Variants in RAB1A observed in about 807,000 individuals in gnomAD.
The protein encoded by RAB1A is ras-related protein Rab-1A.
RAB1A carries 2 observed loss-of-function variants against 26.0 expected under a neutral mutation model. That is an observed-to-expected ratio of 0.08 (90% CI 0.03 to 0.24). The LOEUF (loss-of-function observed/expected upper bound fraction) is 0.24. RAB1A is among the 10% of genes least tolerant of loss of function. The probability of loss-of-function intolerance (pLI) is 1.00; values close to 1 mark genes in which losing one functional copy is unlikely to be tolerated. For synonymous variants in RAB1A, 84 were observed against 84.9 expected, an observed-to-expected ratio of 0.99 and a Z score of 0.06; for missense variants, 100 against 247.0, an observed-to-expected ratio of 0.40 and a Z score of 3.99.
intron 1 of RAB1A, among the ~76,000 whole-genome samples, chr2:65,122,080 C>T (rs1383038710): frequency 2.1e-5 from 3 of 145,742 alleles, no homozygotes; most frequent in Admixed American, 7.1e-5. Context: ...TGCTGGAACC[C>T]GGGAGACAGA....
intron 1 of RAB1A, among the ~76,000 whole-genome samples, chr2:65,129,198 TAA>T (rs373295500): frequency 1.5e-5 from 2 of 134,412 alleles, no homozygotes; most frequent in African/African-American, 5.4e-5. Flanking sequence ...GTGTCCTCTT[TAA>T]AAAAAAAAAA....
intron 4 of RAB1A, among the ~76,000 whole-genome samples, chr2:65,089,702 A>ATTTTTTTTTT (rs58993413): frequency 0.011 from 1,617 of 141,588 alleles, 45 homozygotes; most frequent in African/African-American, 0.04. Context: ...AATTTGATTA[A>ATTTTTTTTTT]TTTTTTTTTT....
chr2:65,096,792 A>T (rs946973497), intron 3 of RAB1A, among the ~76,000 whole-genome samples: 1 of 152,214 alleles, frequency 6.6e-6, no homozygotes, highest in African/African-American at 2.4e-5. Flanking sequence ...GAGTCATGTA[A>T]GAAAAGGGAG....
chr2:65,101,742 C>CTTTTTTTTTTTTTTTTTTTTTTTT (rs71401771), intron 2 of RAB1A, among the ~76,000 whole-genome samples: 1 of 70,662 alleles, frequency 1.4e-5, no homozygotes, highest in African/African-American at 6.8e-5. Flanking sequence ...GTATTACTTC[C>CTTTTTTTTTTTTTTTTTTTTTTTT]TTTTTTTTTT....
intron 1 of RAB1A, among the ~76,000 whole-genome samples, chr2:65,108,581 T>C (rs1054375134): frequency 6.6e-6 from 1 of 151,932 alleles, no homozygotes; most frequent in Non-Finnish European, 1.5e-5. Context: ...CCGAAGCAGG[T>C]GGATCACCTG....
chr2:65,123,815 G>A (rs11893423), intron 1 of RAB1A, among the ~76,000 whole-genome samples: 98,561 of 150,896 alleles, frequency 0.65, 32,444 homozygotes, highest in Non-Finnish European at 0.69. Context: ...GTGAGACTCT[G>A]TCTCAAAAAG....
chr2:65,094,952 G>T (rs1669248947), intron 3 of RAB1A, among the ~76,000 whole-genome samples: 1 of 152,144 alleles, frequency 6.6e-6, no homozygotes. Context: ...AATAAAAGAG[G>T]AATTAATCTG....
intron 1 of RAB1A, among the ~76,000 whole-genome samples, chr2:65,109,727 A>G (rs142748119): frequency 0.039 from 5,869 of 151,704 alleles, 152 homozygotes; most frequent in Middle Eastern, 0.11. Flanking sequence ...AAAAAAGAGA[A>G]AGGAAAAAAA....
intron 2 of RAB1A, among the ~76,000 whole-genome samples, chr2:65,104,101 T>C (rs985803803): frequency 3.3e-5 from 5 of 152,134 alleles, no homozygotes; most frequent in Non-Finnish European, 7.4e-5. Context: ...AATTTAAAGG[T>C]AGTTGATAAA....
Position 65,128,350 on chromosome 2 carries a change from A to C in RAB1A, c.23+1543T>G, listed in dbSNP as rs193154336. Among the ~76,000 whole-genome samples the C allele has an allele frequency of 3.3e-5, 5 of 152,336 alleles. No individual in the cohort carries two copies. The East Asian group carries it at 9.6e-4, about 29-fold the overall frequency. ...GAACAGTAGAGGTCTATAAACCTCG[A>C]TAAAGCAGTAAATCCATGTTCTTTA... On this transcript the variant is annotated intron_variant, in intron 1 of 5. Transcript: ENST00000409784.
intron 3 of RAB1A, among the ~76,000 whole-genome samples, chr2:65,093,120 A>G (rs1669209377): frequency 6.6e-6 from 1 of 152,160 alleles, no homozygotes; most frequent in South Asian, 2.1e-4. Flanking sequence ...TACATGCACC[A>G]TGCCTGGCAG....
chr2:65,098,853 T>TTTTTTTTGG (rs1669351845), intron 2 of RAB1A, among the ~76,000 whole-genome samples: 1 of 149,868 alleles, frequency 6.7e-6, no homozygotes, highest in Non-Finnish European at 1.5e-5. Flanking sequence ...TTTTTTTTTT[T>TTTTTTTTGG]GAGGCAGGAT....
At chr2:65,095,148 GAATA>G (rs1356525441) in intron 3 of RAB1A, among the ~76,000 whole-genome samples, 1 of 151,860 alleles carries the variant, frequency 6.6e-6, no homozygotes, top group Non-Finnish European at 1.5e-5. Context: ...GAATCACTAG[GAATA>G]AATAAAAAAA....
chr2:65,093,056 TAA>T (rs941134620), intron 3 of RAB1A, among the ~76,000 whole-genome samples: 2 of 152,166 alleles, frequency 1.3e-5, no homozygotes, highest in Non-Finnish European at 2.9e-5. Context: ...ACCTTTTTTT[TAA>T]TAAATCACCC....
intron 1 of RAB1A, among the ~76,000 whole-genome samples, chr2:65,121,858 T>C (rs1418599755): frequency 6.6e-6 from 1 of 151,904 alleles, no homozygotes; most frequent in East Asian, 1.9e-4. Context: ...GGCGACAAAG[T>C]GGTAAAAAGC....
Position 65,087,988 on chromosome 2 carries a change from A to G in RAB1A, c.*505T>C, listed in dbSNP as rs1051046187. 6 of 153,146 alleles carry G rather than the reference A, an allele frequency of 3.9e-5. No individual in the cohort carries two copies. Among genetic ancestry groups the G allele is most frequent in the African/African-American group, 1.4e-4 (6 of 41,470 alleles). The allele number at this position is 153,146 out of a possible 1,614,324, so 9.5% of individuals were successfully genotyped here. ...CACAAATTATATGCAGAGTATGAAG[A>G]AACTATTAATCAGATAGTGTAATCT... On this transcript the variant is annotated 3_prime_UTR_variant, in exon 6 of 6. Coordinates refer to ENST00000409784, the MANE Select transcript of RAB1A (RefSeq NM_004161.5).
chr2:65,103,146 T>G (rs1669470897), intron 2 of RAB1A, among the ~76,000 whole-genome samples: 1 of 151,480 alleles, frequency 6.6e-6, no homozygotes, highest in South Asian at 2.1e-4. Context: ...TGAGACCTTG[T>G]CACTACAAAA....
chr2:65,113,145 T>C (rs998303573), intron 1 of RAB1A, among the ~76,000 whole-genome samples: 1 of 152,182 alleles, frequency 6.6e-6, no homozygotes, highest in Non-Finnish European at 1.5e-5. Flanking sequence ...AATTGAACTA[T>C]ACATTCAATT....
chr2:65,119,846 A>C (rs1293656922), intron 1 of RAB1A, among the ~76,000 whole-genome samples: 4 of 144,360 alleles, frequency 2.8e-5, no homozygotes, highest in Non-Finnish European at 6.1e-5. Flanking sequence ...CTCTACAAAA[A>C]AAAAAAAAAA....
Sources: allele counts gnomAD v4.1 joint callset (sites outside exome capture counted in the v4.1 genomes callset), GRCh38; gene constraint gnomAD v4.1.1; transcripts MANE v1.5; gene names NCBI Gene and HGNC (gene_info 2026-07-23, HGNC 2026-07-21).